Variants in TSHZ3 observed in about 807,000 individuals in gnomAD.
The protein encoded by TSHZ3 is teashirt homolog 3.
In TSHZ3, 10 loss-of-function variants were observed where a neutral mutation model predicts 64.5. The observed-to-expected ratio is 0.16, with a 90% CI of 0.10 to 0.26. The LOEUF is 0.26. Among genes scored for constraint, TSHZ3 ranks in the 10% least tolerant of loss-of-function variants. TSHZ3 has a pLI of 1.00. For synonymous variants in TSHZ3, 608 were observed against 593.1 expected (o/e 1.03, Z -0.36); for missense variants, 1,242 against 1,421.7 (o/e 0.87, Z 2.03).
intron 1 of TSHZ3, among the ~76,000 whole-genome samples, chr19:31,285,561 T>C (rs946201010): frequency 3.3e-5 from 5 of 149,310 alleles, no homozygotes; most frequent in East Asian, 2.0e-4. Context: ...GGCTGGGAGA[T>C]TGCCTGAGCT....
chr19:31,273,437 G>C (rs968361922), downstream of TSHZ3, among the ~76,000 whole-genome samples: 2 of 152,194 alleles, frequency 1.3e-5, no homozygotes, highest in African/African-American at 2.4e-5. Flanking sequence ...GGAGTGGGGT[G>C]AGGAGATGGG....
chr19:31,206,306 T>C (rs1408500518), intron 4 of TSHZ3, among the ~76,000 whole-genome samples: 1 of 151,398 alleles, frequency 6.6e-6, no homozygotes, highest in Non-Finnish European at 1.5e-5. Flanking sequence ...AATAGATGGG[T>C]GGGTGGATGG....
At chr19:31,216,485 G>A (rs1041943040) in intron 4 of TSHZ3, among the ~76,000 whole-genome samples, 38 of 148,588 alleles carry the variant, frequency 2.6e-4, no homozygotes, top group African/African-American at 7.5e-4. Flanking sequence ...CAGAGTCTCC[G>A]TCACCCAGGC....
chr19:31,173,971 G>A (rs1974572436), intron 5 of TSHZ3, among the ~76,000 whole-genome samples: 1 of 152,192 alleles, frequency 6.6e-6, no homozygotes, highest in African/African-American at 2.4e-5. Flanking sequence ...GGGAGGCTGA[G>A]GCAGGAGAAT....
chr19:31,186,866 TCA>T (rs761531423), intron 5 of TSHZ3, among the ~76,000 whole-genome samples: 35 of 152,210 alleles, frequency 2.3e-4, no homozygotes, highest in Non-Finnish European at 3.2e-4. Context: ...AAGTATTTGT[TCA>T]CACGTTTTGC....
chr19:31,315,554 TC>T (rs1916576430), intron 1 of TSHZ3, among the ~76,000 whole-genome samples: 1 of 152,120 alleles, frequency 6.6e-6, no homozygotes, highest in Non-Finnish European at 1.5e-5. Context: ...GCCCTAGACT[TC>T]CCTCACTCGC....
Position 31,189,494 on chromosome 19 carries a change from T to TA in TSHZ3, n.809+15461_809+15462insT, listed in dbSNP as rs561023400. ...TCCCATGGTGATTTTTTCCTTTTGA[T>TA]GAGTAGGTTATTTAGAAGTATGTGA... is the stretch of plus-strand genomic sequence containing the variant. On this transcript the variant is annotated intron_variant and non_coding_transcript_variant, in intron 5 of 6. Coordinates refer to the TSHZ3 transcript ENST00000651361. Among the ~76,000 whole-genome samples, 329 of 152,134 alleles carry TA rather than the reference T, an allele frequency of 2.2e-3. 1 individual carries two copies. Among genetic ancestry groups the TA allele is most frequent in the African/African-American group, 7.4e-3 (309 of 41,572 alleles).
intron 4 of TSHZ3, among the ~76,000 whole-genome samples, chr19:31,224,843 A>T (rs911351749): frequency 6.6e-6 from 1 of 152,240 alleles, no homozygotes. Flanking sequence ...TCTATCAAGA[A>T]AAGACATTGT....
exon 7 of TSHZ3, among the ~76,000 whole-genome samples, chr19:31,150,931 A>G (rs1442310935): frequency 6.6e-6 from 1 of 152,118 alleles, no homozygotes; most frequent in Non-Finnish European, 1.5e-5. Flanking sequence ...AACAGAGGCC[A>G]CCAAGGAGAA....
At chr19:31,312,889 T>A (rs1748280920) in intron 1 of TSHZ3, among the ~76,000 whole-genome samples, 1 of 152,218 alleles carries the variant, frequency 6.6e-6, no homozygotes, top group African/African-American at 2.4e-5. Context: ...AGAATTCAGC[T>A]AGGATTTAAT....
chr19:31,291,223 C>G (rs1277834626), intron 1 of TSHZ3, among the ~76,000 whole-genome samples: 4 of 152,228 alleles, frequency 2.6e-5, no homozygotes, highest in Non-Finnish European at 5.9e-5. Context: ...AGGATGAGTC[C>G]TGTTCCTCCA....
At position 31,279,246 on chromosome 19, in the gene TSHZ3, G is replaced by T. The variant is rs748489070; in HGVS notation, c.547C>A (p.Arg183Ser). The change falls in exon 2 of 2, where the codon CGC becomes AGC. Residue 183 changes from arginine to serine, a missense_variant. Physicochemically the swap from Arg to Ser is moderately radical, Grantham distance 110. Coordinates refer to ENST00000240587, the MANE Select transcript of TSHZ3 (RefSeq NM_020856.4). The surrounding 1 kb of genome is among the most constrained non-coding windows in gnomAD (Gnocchi z 6.4). ...AKTLQQVSQS[R>S]MLPEPSLFST... ...AAGAGGCTGGGCTCCGGGAGCATGCGGCTCTGTGACACCTGCTGCAGCGTC... is the reference window on the plus strand; with the variant it reads ...AAGAGGCTGGGCTCCGGGAGCATGCTGCTCTGTGACACCTGCTGCAGCGTC... The T allele has an allele frequency of 6.2e-7, 1 of 1,614,150 alleles. No homozygotes were observed. Among genetic ancestry groups the T allele is most frequent in the Non-Finnish European group, 8.5e-7 (1 of 1,180,026 alleles).
intron 1 of TSHZ3, among the ~76,000 whole-genome samples, chr19:31,264,616 G>A (rs1282213179): frequency 6.6e-6 from 1 of 152,170 alleles, no homozygotes; most frequent in Non-Finnish European, 1.5e-5. Context: ...TGTCATGCAG[G>A]AATGTGGCAT....
chr19:31,176,405 G>A (rs1349736086), intron 5 of TSHZ3, among the ~76,000 whole-genome samples: 2 of 152,176 alleles, frequency 1.3e-5, no homozygotes, highest in Non-Finnish European at 2.9e-5. Context: ...AATGGAGAAA[G>A]ATATGAAGAG....
chr19:31,349,326 C>T lies in TSHZ3; in HGVS notation c.-107G>A, dbSNP rs2021626740. ...CGGGGGGGCGAGGCGGGCCTGCTCTCAGCCTCCCCCCCGGAGAGCGGCCGC... is the reference window on the plus strand; with the variant it reads ...CGGGGGGGCGAGGCGGGCCTGCTCTTAGCCTCCCCCCCGGAGAGCGGCCGC... On this transcript the variant is annotated 5_prime_UTR_variant, in exon 1 of 2. Coordinates refer to ENST00000240587, the MANE Select transcript of TSHZ3 (RefSeq NM_020856.4). The T allele has an allele frequency of 8.8e-7, 1 of 1,132,512 alleles. No individual in the cohort carries two copies. The highest frequency in any genetic ancestry group is 1.2e-6 in the Non-Finnish European group (1 of 852,232). 70.2% of individuals were successfully genotyped at this position (1,132,512 alleles called of 1,614,324 possible).
At chr19:31,154,779 G>C (rs1339570814) in intron 6 of TSHZ3, among the ~76,000 whole-genome samples, 1 of 152,168 alleles carries the variant, frequency 6.6e-6, no homozygotes, top group Non-Finnish European at 1.5e-5. Flanking sequence ...GAAAGTGTGG[G>C]CTTCATTTGA....
At chr19:31,250,162 T>C (rs1020108670) in intron 1 of TSHZ3, among the ~76,000 whole-genome samples, 2 of 152,250 alleles carry the variant, frequency 1.3e-5, no homozygotes, top group African/African-American at 4.8e-5. Flanking sequence ...TAAGTCCTCT[T>C]AAAAATATAT....
intron 1 of TSHZ3, among the ~76,000 whole-genome samples, chr19:31,250,547 T>C (rs903414856): frequency 1.3e-5 from 2 of 152,222 alleles, no homozygotes; most frequent in Admixed American, 6.5e-5. Context: ...TAATGGATGC[T>C]TAGCACAGTG....
Position 31,278,289 on chromosome 19 carries a change from A to C in TSHZ3, c.1504T>G (p.Ser502Ala). The change falls in exon 2 of 2, where the codon TCC becomes GCC. Residue 502 changes from serine to alanine, a missense_variant. Physicochemically the swap from Ser to Ala is moderately conservative, Grantham distance 99. Transcript: ENST00000240587. This position sits in a 1 kb window ranked among gnomAD's most constrained non-coding sequence, Gnocchi z 4.7. ...TTTTCAGTCAAGTAATGGTATTTGGAAGAGATGTCACACTTCTCCTCTTCT... is the reference window on the plus strand; with the variant it reads ...TTTTCAGTCAAGTAATGGTATTTGGCAGAGATGTCACACTTCTCCTCTTCT... Reference protein sequence around the residue: ...GEEEEKCDISSKYHYLTENDL... With the variant: ...GEEEEKCDISAKYHYLTENDL... 1 of 1,614,144 alleles carries C rather than the reference A, an allele frequency of 6.2e-7. No homozygotes were observed. The highest frequency in any genetic ancestry group is 8.5e-7 in the Non-Finnish European group (1 of 1,180,032).
Sources: gnomAD v4.1 joint callset for allele counts (sites outside exome capture counted in the v4.1 genomes callset) on GRCh38, gnomAD v4.1.1 for gene constraint, Gnocchi (gnomAD v3.1) non-coding constraint, MANE v1.5 for transcripts, NCBI Gene and HGNC (gene_info 2026-07-23, HGNC 2026-07-21) for gene names.